The following TBL1Y variants were observed in gnomAD, a reference collection of about 807,000 sequenced individuals.
TBL1Y encodes the protein F-box-like/WD repeat-containing protein TBL1Y.
In TBL1Y, 15 loss-of-function variants were observed where a neutral mutation model predicts 12.0. That is an observed-to-expected ratio of 1.25 (90% CI 0.83 to 1.92). TBL1Y has a LOEUF of 1.92. Among genes scored for constraint, TBL1Y ranks in the 40% most tolerant of loss-of-function variants. TBL1Y has a pLI of 0.00. For missense variants in TBL1Y, 148 were observed against 116.7 expected, an observed-to-expected ratio of 1.27 and a Z score of -1.24; for synonymous variants, 53 against 42.6, an observed-to-expected ratio of 1.24 and a Z score of -0.95.
At chrY:7,026,584 G>T (rs181305401) in intron 6 of TBL1Y, among the ~76,000 whole-genome samples, 35 of 34,086 alleles carry the variant, frequency 1.0e-3, no homozygotes, top group African/African-American at 3.7e-3. Context: ...GAGCTGTCAG[G>T]TGTAAAAAGT....
At chrY:7,063,127 C>T (rs202116724) in intron 7 of TBL1Y, among the ~76,000 whole-genome samples, 1 of 33,659 alleles carries the variant, frequency 3.0e-5, no homozygotes, top group Non-Finnish European at 7.4e-5. Flanking sequence ...TGACTTCTCA[C>T]CAGAGAGAGT....
intron 14 of TBL1Y, among the ~76,000 whole-genome samples, chrY:7,081,873 C>CCT (rs2013101520): frequency 3.0e-5 from 1 of 32,880 alleles, no homozygotes; most frequent in Non-Finnish European, 7.4e-5. Context: ...ACAATTCAAC[C>CCT]TGAGATTTGG....
chrY:7,053,461 T>C (rs1043687267), intron 7 of TBL1Y, among the ~76,000 whole-genome samples: 15 of 33,159 alleles, frequency 4.5e-4, no homozygotes, highest in Non-Finnish European at 9.6e-4. Context: ...ATTTGTTTGG[T>C]ACCTAGGTGT....
intron 1 of TBL1Y, among the ~76,000 whole-genome samples, 189 bp from the exon 2 acceptor site, chrY:6,911,899 C>T: frequency 2.9e-5 from 1 of 34,991 alleles, no homozygotes; most frequent in African/African-American, 1.1e-4. Flanking sequence ...CAGGGGCTCA[C>T]TCATTGCACC....
intron 2 of TBL1Y, among the ~76,000 whole-genome samples, chrY:6,933,622 C>G (rs2011882691): frequency 3.0e-5 from 1 of 33,672 alleles, no homozygotes; most frequent in African/African-American, 1.2e-4. Flanking sequence ...CGTGAAAGAA[C>G]CTGCCTGTGA....
In TBL1Y at chrY:7,046,499, A is replaced by C. The variant is rs2124164169; in HGVS notation, c.204+3374A>C. 8.8e-5 allele frequency among the ~76,000 whole-genome samples: 3 copies of C among 34,042 alleles called. No individual in the cohort carries two copies. The South Asian group carries it at 2.0e-3, about 22-fold the overall frequency. The allele number at this position is 34,042 out of a possible 37,273, so 91.3% of individuals were successfully genotyped here. A position where few individuals can be genotyped will look rare whatever the true frequency, so the allele number is the denominator to read the frequency against. On this transcript the variant is annotated intron_variant, in intron 7 of 18. Transcript: ENST00000383032. Reference sequence around the variant, plus strand: ...TATTATTTAGCATAACTTTCACAGGAGGATTTAAAGTCTCTTGTGTAACTG... The same window carrying C: ...TATTATTTAGCATAACTTTCACAGGCGGATTTAAAGTCTCTTGTGTAACTG...
At chrY:6,951,992 A>G (rs1262719643) in intron 2 of TBL1Y, among the ~76,000 whole-genome samples, 6 of 33,314 alleles carry the variant, frequency 1.8e-4, no homozygotes, top group Non-Finnish European at 3.7e-4. Flanking sequence ...GTTTTGAGTG[A>G]GTTTCTTAAT....
chrY:6,933,312 C>T, intron 2 of TBL1Y, among the ~76,000 whole-genome samples: 1 of 33,356 alleles, frequency 3.0e-5, no homozygotes, highest in African/African-American at 1.2e-4. Flanking sequence ...ACTCTCCTCA[C>T]CAGGAAGGGT....
At chrY:7,060,302 A>G in intron 7 of TBL1Y, among the ~76,000 whole-genome samples, 1 of 32,889 alleles carries the variant, frequency 3.0e-5, no homozygotes, top group African/African-American at 1.2e-4. Context: ...TTTACTTTTA[A>G]ATTATACAAT....
intron 2 of TBL1Y, among the ~76,000 whole-genome samples, chrY:6,965,236 T>C: frequency 9.1e-5 from 3 of 32,880 alleles, no homozygotes; most frequent in African/African-American, 3.6e-4. Context: ...CTGGACCTTT[T>C]CCCCCCAATT....
At chrY:7,063,106 G>C in intron 7 of TBL1Y, among the ~76,000 whole-genome samples, 1 of 33,610 alleles carries the variant, frequency 3.0e-5, no homozygotes, top group Non-Finnish European at 7.4e-5. Context: ...ACCGCCACAA[G>C]GGGTGGGGCA....
intron 8 of TBL1Y, among the ~76,000 whole-genome samples, chrY:7,068,993 A>C: frequency 3.5e-5 from 1 of 28,542 alleles, no homozygotes; most frequent in Admixed American, 3.8e-4. Context: ...TTCTTGAGCC[A>C]AGCAGAATGG....
chrY:7,062,404 T>G (rs2012878238), intron 7 of TBL1Y, among the ~76,000 whole-genome samples: 1 of 33,805 alleles, frequency 3.0e-5, no homozygotes, highest in Non-Finnish European at 7.4e-5. Context: ...AATTGAGGAT[T>G]TGAGGATGGG....
At chrY:7,037,382 A>C in intron 6 of TBL1Y, among the ~76,000 whole-genome samples, 1 of 34,347 alleles carries the variant, frequency 2.9e-5, no homozygotes, top group East Asian at 7.6e-4. Flanking sequence ...TTAGCTTTAC[A>C]TAACTTATAA....
chrY:6,954,920 G>A (rs1049538951), intron 2 of TBL1Y, among the ~76,000 whole-genome samples: 1 of 33,780 alleles, frequency 3.0e-5, no homozygotes, highest in Non-Finnish European at 7.3e-5. Flanking sequence ...CAGTAACTAA[G>A]TCTTGCCTTT....
intron 4 of TBL1Y, among the ~76,000 whole-genome samples, chrY:7,014,490 G>A (rs2012537569): frequency 3.3e-5 from 1 of 30,637 alleles, no homozygotes; most frequent in Non-Finnish European, 7.7e-5. Flanking sequence ...AGCAATGCTT[G>A]TTAGTAAAAC....
At chrY:7,002,691 C>T in intron 4 of TBL1Y, among the ~76,000 whole-genome samples, 1 of 34,005 alleles carries the variant, frequency 2.9e-5, no homozygotes, top group Non-Finnish European at 7.3e-5. Flanking sequence ...AAATGAGTTC[C>T]CTTTAAGTAT....
At chrY:7,071,902 G>T (rs2013038299) in intron 12 of TBL1Y, 72 bp downstream of exon 12, 9 of 268,346 alleles carry the variant, frequency 3.4e-5, no homozygotes, top group Non-Finnish European at 4.6e-5. Flanking sequence ...TCTGTTTTAG[G>T]GGGGTGGGGA....
chrY:6,983,763 T>C, intron 3 of TBL1Y, among the ~76,000 whole-genome samples: 1 of 33,280 alleles, frequency 3.0e-5, no homozygotes, highest in Admixed American at 2.8e-4. Flanking sequence ...TCATAAATAG[T>C]GTAAAACCTT....
Sources: allele counts gnomAD v4.1 joint callset (sites outside exome capture counted in the v4.1 genomes callset), GRCh38; gene constraint gnomAD v4.1.1; transcripts MANE v1.5; gene names NCBI Gene and HGNC (gene_info 2026-07-23, HGNC 2026-07-21).